The following ARHGAP25 variants were observed in gnomAD, a reference collection of about 807,000 sequenced individuals.
ARHGAP25 encodes the protein Rho GTPase activating protein 25, also known as rho GTPase-activating protein 25.
Under a neutral mutation model 71.0 loss-of-function variants are expected in ARHGAP25, and 34 were observed. That is an observed-to-expected ratio of 0.48 (90% CI 0.36 to 0.64). ARHGAP25 has a LOEUF of 0.64. Among genes scored for constraint, ARHGAP25 ranks in the 30% least tolerant of loss-of-function variants. The probability of loss-of-function intolerance (pLI) is 0.00; values close to 1 mark genes in which losing one functional copy is unlikely to be tolerated. For missense variants in ARHGAP25, 706 were observed against 805.1 expected (o/e 0.88, Z 1.49); for synonymous variants, 282 against 296.5 (o/e 0.95, Z 0.50).
intron 1 of ARHGAP25, among the ~76,000 whole-genome samples, chr2:68,752,764 C>G (rs1408918028): frequency 6.6e-6 from 1 of 152,044 alleles, no homozygotes; most frequent in African/African-American, 2.4e-5. Flanking sequence ...TTCTACTCTT[C>G]CTGAGCCATG....
intron 4 of ARHGAP25, among the ~76,000 whole-genome samples, chr2:68,790,654 C>G (rs145855017): frequency 6.6e-4 from 101 of 152,282 alleles, no homozygotes; most frequent in African/African-American, 2.3e-3. Flanking sequence ...TTCCCACCAC[C>G]TTCACTACTA....
intron 4 of ARHGAP25, among the ~76,000 whole-genome samples, chr2:68,806,108 T>C (rs745727462): frequency 2.1e-4 from 32 of 152,214 alleles, no homozygotes; most frequent in Non-Finnish European, 3.4e-4. Flanking sequence ...TGGGAAAATA[T>C]TTTTGGAAAG....
chr2:68,801,679 G>A (rs940748242), intron 4 of ARHGAP25, among the ~76,000 whole-genome samples: 9 of 152,226 alleles, frequency 5.9e-5, no homozygotes, highest in African/African-American at 2.2e-4. Flanking sequence ...AACAGATGCT[G>A]AGCCAGATGG....
At chr2:68,717,295 A>G (rs1030672801) in intron 2 of ARHGAP25, among the ~76,000 whole-genome samples, 5 of 152,214 alleles carry the variant, frequency 3.3e-5, no homozygotes, top group African/African-American at 4.8e-5. Flanking sequence ...AAATGTCTTT[A>G]TGTGGCACAT....
intron 9 of ARHGAP25, 157 bp downstream of exon 9, chr2:68,819,476 G>T: frequency 1.3e-6 from 1 of 779,166 alleles, no homozygotes; most frequent in Non-Finnish European, 2.2e-6. Flanking sequence ...CACCTTGAAA[G>T]CCTGGCCTCT....
At chr2:68,733,690 A>G (rs1675086647), upstream of ARHGAP25, among the ~76,000 whole-genome samples, 1 of 152,200 alleles carries the variant, frequency 6.6e-6, no homozygotes, top group African/African-American at 2.4e-5. Context: ...ATTCTCTTTC[A>G]GTTACATTGA....
At chr2:68,754,217 T>TA (rs1296662911) in intron 1 of ARHGAP25, among the ~76,000 whole-genome samples, 1 of 152,180 alleles carries the variant, frequency 6.6e-6, no homozygotes, top group African/African-American at 2.4e-5. Flanking sequence ...TCCATCACTG[T>TA]AAAAAAATTT....
intron 9 of ARHGAP25, 70 bp downstream of exon 9, chr2:68,819,389 T>C: frequency 1.9e-6 from 3 of 1,546,858 alleles, no homozygotes; most frequent in Non-Finnish European, 2.7e-6. Context: ...ATGTAAGGCC[T>C]GCTCTCGGGT....
chr2:68,809,503 G>A (rs1376437590), intron 5 of ARHGAP25, among the ~76,000 whole-genome samples: 1 of 152,130 alleles, frequency 6.6e-6, no homozygotes, highest in Non-Finnish European at 1.5e-5. Context: ...CCAGCCTTGA[G>A]ACAGTGTTAA....
intron 1 of ARHGAP25, among the ~76,000 whole-genome samples, chr2:68,740,933 G>A (rs1675487962): frequency 6.6e-6 from 1 of 152,246 alleles, no homozygotes; most frequent in Non-Finnish European, 1.5e-5. Context: ...ATAGGAAAGT[G>A]TGCATGAGCT....
intron 2 of ARHGAP25, among the ~76,000 whole-genome samples, chr2:68,729,780 C>A (rs1409411992): frequency 6.6e-6 from 1 of 152,178 alleles, no homozygotes; most frequent in Admixed American, 6.5e-5. Flanking sequence ...ACATACCATG[C>A]AATTCACCCA....
At chr2:68,737,568 G>C (rs926655464) in intron 1 of ARHGAP25, among the ~76,000 whole-genome samples, 4 of 152,122 alleles carry the variant, frequency 2.6e-5, no homozygotes, top group African/African-American at 9.7e-5. Context: ...TGTTCCTTGG[G>C]GATGGGGGTG....
At position 68,822,948 on chromosome 2, in the gene ARHGAP25, AGAG is replaced by A; in HGVS notation, c.1733+77_1733+79del. The A allele has an allele frequency of 4.2e-6, 6 of 1,431,498 alleles. No homozygotes were observed. In the Admixed American group the frequency reaches 1.4e-4, roughly 32 times the overall value. The allele number at this position is 1,431,498 out of a possible 1,614,324, so 88.7% of individuals were successfully genotyped here. On this transcript the variant is annotated intron_variant, in intron 10 of 10. Transcript: ENST00000409202. ...ACAAGAGGGATTGTTCCCATCCGCC[AGAG>A]AAGTCACATCATAAAGCTTCAATTT... is the stretch of plus-strand genomic sequence containing the variant.
intron 1 of ARHGAP25, among the ~76,000 whole-genome samples, chr2:68,750,312 C>T (rs889868896): frequency 7.1e-6 from 1 of 140,290 alleles, no homozygotes; most frequent in Non-Finnish European, 1.5e-5. Context: ...CGCCCAGCCC[C>T]ATGAAGCCAC....
chr2:68,712,247 G>T (rs1017504273), intron 2 of ARHGAP25, among the ~76,000 whole-genome samples: 6 of 152,142 alleles, frequency 3.9e-5, no homozygotes, highest in Admixed American at 6.5e-5. Flanking sequence ...GTTTTGATTT[G>T]CATTTTTCTA....
rs189587231 is a variant in ARHGAP25, at chr2:68,775,895, T to C, written c.261+475T>C. The C allele has an allele frequency of 5.2e-3, 1,683 of 325,944 alleles. 11 individuals carry two copies. The highest frequency in any genetic ancestry group is 6.9e-3 in the Non-Finnish European group (1,147 of 165,964). 20.2% of individuals were successfully genotyped at this position (325,944 alleles called of 1,614,324 possible). On this transcript the variant is annotated intron_variant, in intron 2 of 10. Transcript: ENST00000409202. ...CTTAGAATGTGGAGGAAAAGACACA[T>C]AAACATAACAAATAAGAAAAGTATG...
intron 4 of ARHGAP25, among the ~76,000 whole-genome samples, chr2:68,795,527 A>T (rs1214071226): frequency 2.0e-5 from 3 of 152,152 alleles, no homozygotes; most frequent in Non-Finnish European, 1.5e-5. Flanking sequence ...TGACCCAATG[A>T]TCATTCGGTA....
chr2:68,811,722 G>C (rs1680839294), intron 5 of ARHGAP25, among the ~76,000 whole-genome samples: 1 of 152,194 alleles, frequency 6.6e-6, no homozygotes, highest in Non-Finnish European at 1.5e-5. Flanking sequence ...CCAAGACAGA[G>C]CTTTACAATC....
intron 4 of ARHGAP25, among the ~76,000 whole-genome samples, chr2:68,802,721 G>T (rs1247038033): frequency 6.8e-6 from 1 of 147,012 alleles, no homozygotes; most frequent in East Asian, 1.9e-4. Flanking sequence ...GAGAGAGAGA[G>T]AGAGAGAGAG....
Sources: gnomAD v4.1 joint callset for allele counts (sites outside exome capture counted in the v4.1 genomes callset) on GRCh38, gnomAD v4.1.1 for gene constraint, MANE v1.5 for transcripts, NCBI Gene and HGNC (gene_info 2026-07-23, HGNC 2026-07-21) for gene names.